Variants in COPA observed in about 807,000 individuals in gnomAD.
The protein encoded by COPA is coat protein complex I subunit alpha.
Under a neutral mutation model 158.7 loss-of-function variants are expected in COPA, and 10 were observed. The observed-to-expected ratio is 0.06, with a 90% confidence interval of 0.04 to 0.11. COPA has a LOEUF of 0.11. Ranked by LOEUF, COPA falls within the 10% of genes least tolerant of loss-of-function variation. The probability of loss-of-function intolerance (pLI) is 1.00; values close to 1 mark genes in which losing one functional copy is unlikely to be tolerated. For missense variants in COPA, 1,065 were observed against 1,536.7 expected, an observed-to-expected ratio of 0.69 and a Z score of 5.13; for synonymous variants, 462 against 542.8, an observed-to-expected ratio of 0.85 and a Z score of 2.07.
chr1:160,312,170 T>G, intron 10 of COPA, 152 bp from the exon 11 acceptor site: 1 of 724,484 alleles, frequency 1.4e-6, no homozygotes. Flanking sequence ...TCTTGGAATC[T>G]TTATTTAAAT....
intron 3 of COPA, among the ~76,000 whole-genome samples, chr1:160,337,091 C>T (rs1647803512): frequency 6.6e-6 from 1 of 152,264 alleles, no homozygotes; most frequent in South Asian, 2.1e-4. Flanking sequence ...TTAGACCATA[C>T]CATAAACACT....
chr1:160,320,792 TAAAAAA>T (rs143294298), intron 8 of COPA, among the ~76,000 whole-genome samples: 8 of 89,204 alleles, frequency 9.0e-5, no homozygotes, highest in African/African-American at 1.2e-4. Context: ...TTCAAACTCT[TAAAAAA>T]AAAAAAAAAA....
At chr1:160,343,014 C>T in intron 1 of COPA, 117 bp downstream of exon 1, 3 of 1,261,292 alleles carry the variant, frequency 2.4e-6, no homozygotes, top group South Asian at 2.4e-5. Context: ...CTCCGTCTTC[C>T]TCCGGGTCCG....
At chr1:160,315,359 C>T (rs1237649875) in intron 8 of COPA, among the ~76,000 whole-genome samples, 1 of 152,234 alleles carries the variant, frequency 6.6e-6, no homozygotes, top group Non-Finnish European at 1.5e-5. Flanking sequence ...CTATCACACC[C>T]AGCCCCAGAA....
intron 12 of COPA, among the ~76,000 whole-genome samples, chr1:160,309,660 A>C (rs990355216): frequency 6.6e-6 from 1 of 152,086 alleles, no homozygotes; most frequent in Non-Finnish European, 1.5e-5. Flanking sequence ...AACAGATTAG[A>C]CAATATAGTT....
intron 8 of COPA, 29 bp downstream of exon 8, chr1:160,323,402 T>A (rs780264678): frequency 6.4e-7 from 1 of 1,557,596 alleles, no homozygotes; most frequent in Admixed American, 1.8e-5. Context: ...GTTTCTTAGA[T>A]ATGGCGATAA....
Position 160,293,439 on chromosome 1 carries a change from C to T in COPA, c.2701G>A (p.Gly901Arg), listed in dbSNP as rs757887150. Residue 901 changes from glycine (G) to arginine (R), a missense_variant, in exon 26 of 33, where the codon GGG (glycine) becomes AGG (arginine). Gly to Arg is a moderately radical substitution (Grantham distance 125). Around this residue, in one of 2 missense-constraint regions of COPA, gnomAD observed 980 missense variants for 1,357.8 expected, o/e 0.72. Coordinates refer to ENST00000241704, the MANE Select transcript of COPA (RefSeq NM_004371.4). ...ELDISPGAAG[G>R]AEDGFFVPPT... ...GGCACAAAGAAACCATCTTCAGCCC[C>T]ACCAGCTGCCCCAGGGGATATATCC... The T allele has an allele frequency of 7.5e-6, 12 of 1,607,962 alleles. No homozygotes were observed. The highest frequency in any genetic ancestry group is 3.3e-4 in the Middle Eastern group (2 of 6,066).
chr1:160,340,844 T>C (rs1384020179), intron 1 of COPA, among the ~76,000 whole-genome samples: 1 of 152,162 alleles, frequency 6.6e-6, no homozygotes. Flanking sequence ...AGATCTCTAG[T>C]GCTCTCTCTC....
intron 4 of COPA, among the ~76,000 whole-genome samples, chr1:160,333,890 A>G (rs1295515345): frequency 6.6e-6 from 1 of 152,220 alleles, no homozygotes; most frequent in Non-Finnish European, 1.5e-5. Flanking sequence ...ATAAGACTTA[A>G]GAATGGAAGC....
intron 31 of COPA, 23 bp from the exon 32 acceptor site, chr1:160,290,709 A>C (rs762807716): frequency 6.2e-7 from 1 of 1,611,516 alleles, no homozygotes; most frequent in Non-Finnish European, 8.5e-7. Context: ...AGGAGTATTT[A>C]GGAGGACAGA....
At position 160,298,903 on chromosome 1, in the gene COPA, T is replaced by C; in HGVS notation, c.1919A>G (p.His640Arg). 3.1e-6 allele frequency: 5 copies of C among 1,614,144 alleles called. No individual in the cohort carries two copies. The South Asian group carries it at 4.4e-5, about 14-fold the overall frequency. Residue 640 changes from histidine to arginine, a missense_variant, in exon 19 of 33, where the codon CAT becomes CGT. His to Arg is a conservative substitution (Grantham distance 29). Coordinates refer to ENST00000241704, the MANE Select transcript of COPA (RefSeq NM_004371.4). Reference sequence around the variant, plus strand: ...GCGAGTTTTCTCATCCTTGACAAAATGCAGTGCCACTTCAGGATAGCCCTT... The same window carrying C: ...GCGAGTTTTCTCATCCTTGACAAAACGCAGTGCCACTTCAGGATAGCCCTT... ...QKKGYPEVAL[H>R]FVKDEKTRFS... is the part of the protein sequence containing the mutation.
Position 160,290,574 on chromosome 1 carries a change from C to T in COPA, c.3533G>A (p.Arg1178His), listed in dbSNP as rs373521245. Residue 1178 changes from arginine to histidine, a missense_variant, in exon 32 of 33, where the codon CGT becomes CAT. This residue lies in a region of COPA where 980 missense variants were observed against 1,357.8 expected (regional missense o/e 0.72). Transcript: ENST00000241704. ...ICAASYRPIY[R>H]GKPVEKCPLS... ...TGGACACTTTTCTACTGGCTTTCCA[C>T]GGTAGATGGGCCGATATGATGCAGC... 3.3e-5 allele frequency: 53 copies of T among 1,614,042 alleles called. No homozygotes were observed. Among genetic ancestry groups the T allele is most frequent in the Middle Eastern group, 1.6e-4 (1 of 6,082 alleles).
chr1:160,327,319 C>T (rs1032675212), intron 6 of COPA, among the ~76,000 whole-genome samples: 10 of 152,006 alleles, frequency 6.6e-5, no homozygotes, highest in African/African-American at 2.2e-4. Context: ...GGTGAACCAC[C>T]GCAGGTCAGG....
chr1:160,313,693 A>C (rs182601629), intron 9 of COPA, among the ~76,000 whole-genome samples: 1 of 152,242 alleles, frequency 6.6e-6, no homozygotes, highest in South Asian at 2.1e-4. Context: ...GATTACAGGC[A>C]TGAGCCACCG....
At position 160,291,324 on chromosome 1, in the gene COPA, G is replaced by A. The variant is rs2101819641; in HGVS notation, c.3420+11C>T. 3 of 1,613,070 alleles carry A rather than the reference G, an allele frequency of 1.9e-6. No homozygotes were observed. The highest frequency in any genetic ancestry group is 1.1e-5 in the South Asian group (1 of 91,028). ...TGGCTTCCCTATGGTCACTGAAGGA[G>A]TTCCATCTACCTGTTGGGCCACCTC... On this transcript the variant is annotated intron_variant, in intron 31 of 32. Coordinates refer to ENST00000241704, the MANE Select transcript of COPA (RefSeq NM_004371.4).
chr1:160,323,526 T>G lies in COPA; in HGVS notation c.611A>C (p.His204Pro). The G allele has an allele frequency of 1.9e-6, 3 of 1,608,572 alleles. No homozygotes were observed. The highest frequency in any genetic ancestry group is 2.5e-6 in the Non-Finnish European group (3 of 1,176,820). The change falls in exon 8 of 33, where the codon CAC becomes CCC. Residue 204 changes from histidine (H) to proline (P), a missense_variant. His to Pro is a moderately conservative substitution (Grantham distance 77, BLOSUM62 -2). Around this residue, in one of 2 missense-constraint regions of COPA, gnomAD observed 980 missense variants for 1,357.8 expected, o/e 0.72. Transcript: ENST00000241704. ...DAVVKHVLEG[H>P]DRGVNWAAFH... ...GGCAGCCCAGTTTACTCCACGATCG[T>G]GACCCTGTAGAAAAGAGTGGTTCTT...
rs533530160 is a variant in COPA, at chr1:160,327,614, T to A, written c.497-1962A>T. ...GGCTCACACCTGTAATCCCAGCACTTTGGGAGGCCAAGGCAGGTGGAACAA... is the reference window on the plus strand; with the variant it reads ...GGCTCACACCTGTAATCCCAGCACTATGGGAGGCCAAGGCAGGTGGAACAA... On this transcript the variant is annotated intron_variant, in intron 6 of 32. Transcript: ENST00000241704. Among the ~76,000 whole-genome samples the A allele has an allele frequency of 3.7e-3, 565 of 151,086 alleles. 6 individuals carry two copies. Among genetic ancestry groups the A allele is most frequent in the Non-Finnish European group, 5.4e-3 (364 of 67,812 alleles).
At chr1:160,342,601 T>C (rs949416522) in intron 1 of COPA, among the ~76,000 whole-genome samples, 6 of 152,192 alleles carry the variant, frequency 3.9e-5, no homozygotes, top group Non-Finnish European at 7.3e-5. Context: ...TGAGACTTTA[T>C]TGGGGTTATA....
At chr1:160,311,784 A>G in intron 11 of COPA, 84 bp downstream of exon 11, 5 of 1,236,804 alleles carry the variant, frequency 4.0e-6, no homozygotes, top group Non-Finnish European at 5.3e-6. Context: ...TAAATGAAAG[A>G]AAGAAAAGAA....
Sources: gnomAD v4.1 joint callset for allele counts (sites outside exome capture counted in the v4.1 genomes callset) on GRCh38, gnomAD v4.1.1 for gene constraint, gnomAD v4.1.1 regional missense constraint, MANE v1.5 for transcripts, NCBI Gene and HGNC (gene_info 2026-07-23, HGNC 2026-07-21) for gene names.